Variants in KLF8 observed in about 807,000 individuals in gnomAD.
The protein encoded by KLF8 is Krueppel-like factor 8.
A neutral mutation model predicts 18.2 loss-of-function variants in KLF8; 10 were observed. The observed-to-expected ratio is 0.55, with a 90% CI of 0.34 to 0.93. The LOEUF (loss-of-function observed/expected upper bound fraction) is 0.93. Ranked by LOEUF, KLF8 falls within the 40% of genes least tolerant of loss-of-function variation. The probability of loss-of-function intolerance (pLI) is 0.02; values close to 1 mark genes in which losing one functional copy is unlikely to be tolerated. For missense variants in KLF8, 264 were observed against 277.9 expected (o/e 0.95, Z 0.36); for synonymous variants, 109 against 97.3 (o/e 1.12, Z -0.71).
chrX:56,121,710 G>A, the KLF8 span, among the ~76,000 whole-genome samples: 1 of 112,269 alleles, frequency 8.9e-6, no homozygotes, highest in South Asian at 3.7e-4. Flanking sequence ...AGGGCCTGAT[G>A]GTTTTCATTA....
At chrX:56,214,694 C>A in the KLF8 span, among the ~76,000 whole-genome samples, 3 of 112,223 alleles carry the variant, frequency 2.7e-5, no homozygotes, top group East Asian at 8.4e-4. Flanking sequence ...GTTGTTTAAG[C>A]CAATCAGTTG....
chrX:56,159,793 T>A, the KLF8 span, among the ~76,000 whole-genome samples: 2 of 111,600 alleles, frequency 1.8e-5, no homozygotes, highest in Admixed American at 1.9e-4. Flanking sequence ...TCTTTATTAG[T>A]CTTGGTAGTG....
the KLF8 span, among the ~76,000 whole-genome samples, chrX:55,951,516 G>A: frequency 1.8e-5 from 2 of 108,719 alleles, no homozygotes; most frequent in Non-Finnish European, 3.8e-5. Flanking sequence ...GAAAAAGAAA[G>A]AGATTGTGAT....
the KLF8 span, among the ~76,000 whole-genome samples, chrX:56,191,482 A>G: frequency 1.2e-4 from 13 of 112,040 alleles, no homozygotes; most frequent in Non-Finnish European, 2.5e-4. Context: ...AACCAAAATC[A>G]GACAGAGACA....
chrX:56,121,538 A>C, the KLF8 span, among the ~76,000 whole-genome samples: 1 of 112,230 alleles, frequency 8.9e-6, no homozygotes, highest in African/African-American at 3.2e-5. Flanking sequence ...TCTGACCCGG[A>C]AATTCTTTTC....
chrX:56,095,645 T>C, the KLF8 span, among the ~76,000 whole-genome samples: 1 of 110,747 alleles, frequency 9.0e-6, no homozygotes, highest in Non-Finnish European at 1.9e-5. Flanking sequence ...TGGGAAGGGA[T>C]ATGAACAACC....
intron 2 of KLF8, among the ~76,000 whole-genome samples, chrX:56,253,764 C>CTTTTTTTTTTTTTTTTTTTTTTTTTTT (rs60291877): frequency 5.0e-5 from 3 of 60,113 alleles, no homozygotes; most frequent in Non-Finnish European, 6.0e-5. Flanking sequence ...TTTTCTTTTT[C>CTTTTTTTTTTTTTTTTTTTTTTTTTTT]TTTTTTTTTT....
the KLF8 span, among the ~76,000 whole-genome samples, chrX:55,971,683 T>G: frequency 2.7e-5 from 3 of 110,614 alleles, no homozygotes; most frequent in Non-Finnish European, 5.7e-5. Flanking sequence ...ATAACCAGCA[T>G]AATAAGGAGC....
chrX:56,078,835 A>C, the KLF8 span, among the ~76,000 whole-genome samples: 4 of 111,156 alleles, frequency 3.6e-5, no homozygotes, highest in Non-Finnish European at 5.7e-5. Context: ...TTATTGGTCT[A>C]TTCAGAGATT....
chrX:56,203,994 A>C, the KLF8 span, among the ~76,000 whole-genome samples: 4 of 111,224 alleles, frequency 3.6e-5, no homozygotes, highest in Non-Finnish European at 5.7e-5. Flanking sequence ...AATAGAGTTG[A>C]ATCTCTAGAT....
chrX:56,114,864 T>C, the KLF8 span, among the ~76,000 whole-genome samples: 5 of 112,418 alleles, frequency 4.4e-5, no homozygotes, highest in South Asian at 1.8e-3. Flanking sequence ...AAAGAGTACT[T>C]AAATTGGCAT....
the KLF8 span, among the ~76,000 whole-genome samples, chrX:56,063,244 C>T: frequency 2.7e-5 from 3 of 111,024 alleles, no homozygotes; most frequent in South Asian, 1.2e-3. Flanking sequence ...GGAGAAGAGG[C>T]CTTTTGGTTT....
chrX:56,169,799 G>C, the KLF8 span, among the ~76,000 whole-genome samples: 1 of 111,939 alleles, frequency 8.9e-6, no homozygotes, highest in Non-Finnish European at 1.9e-5. Context: ...AGCACGGCTG[G>C]TTTTGCCATG....
rs1315958249 is a variant in KLF8, at chrX:56,287,245, C to A, written c.*2751C>A. ...GTAAAGAAGCAATTTTAAGCCTATT[C>A]TCATTTCCCTCTCCCCTACAAAAAA... On this transcript the variant is annotated 3_prime_UTR_variant, in exon 6 of 6. Transcript: ENST00000468660. 2 of 111,578 alleles carry A rather than the reference C, an allele frequency of 1.8e-5. No homozygotes were observed. The highest frequency in any genetic ancestry group is 3.8e-5 in the Non-Finnish European group (2 of 53,101). 9.2% of individuals were successfully genotyped at this position (111,578 alleles called of 1,213,427 possible).
At chrX:56,152,261 AG>A in the KLF8 span, among the ~76,000 whole-genome samples, 1 of 111,448 alleles carries the variant, frequency 9.0e-6, no homozygotes, top group Admixed American at 9.6e-5. Flanking sequence ...TAATTGTATA[AG>A]GGGGTCATAG....
At chrX:56,057,987 T>G in the KLF8 span, among the ~76,000 whole-genome samples, 294 of 105,065 alleles carry the variant, frequency 2.8e-3, no homozygotes, top group African/African-American at 9.7e-3. Context: ...CCATTTGAAC[T>G]CATGCATTCT....
At chrX:55,976,168 A>G in the KLF8 span, among the ~76,000 whole-genome samples, 1 of 112,256 alleles carries the variant, frequency 8.9e-6, no homozygotes, top group East Asian at 2.8e-4. Flanking sequence ...TGAAATGATT[A>G]CCACAATCAA....
the KLF8 span, among the ~76,000 whole-genome samples, chrX:56,199,110 A>G: frequency 8.9e-6 from 1 of 112,349 alleles, no homozygotes; most frequent in Non-Finnish European, 1.9e-5. Flanking sequence ...AAAGACTTAA[A>G]TGTTAGACCT....
the KLF8 span, among the ~76,000 whole-genome samples, chrX:56,152,168 A>G: frequency 9.0e-6 from 1 of 111,713 alleles, no homozygotes; most frequent in Non-Finnish European, 1.9e-5. Flanking sequence ...TTTCTTATTC[A>G]CCTGTACTTC....
Sources: gnomAD v4.1 joint callset for allele counts (sites outside exome capture counted in the v4.1 genomes callset) on GRCh38, gnomAD v4.1.1 for gene constraint, MANE v1.5 for transcripts, NCBI Gene and HGNC (gene_info 2026-07-23, HGNC 2026-07-21) for gene names.